Variants in ARNT observed in about 807,000 individuals in gnomAD.
ARNT encodes the protein aryl hydrocarbon receptor nuclear translocator, also known as class E basic helix-loop-helix protein 2.
In ARNT, 30 loss-of-function variants were observed where a neutral mutation model predicts 105.0. The ratio of observed to expected loss-of-function variants is 0.29; its 90% CI spans 0.21 to 0.39. The LOEUF is 0.39. Ranked by LOEUF, ARNT falls within the 10% of genes least tolerant of loss-of-function variation. ARNT has a pLI of 1.00. For missense variants in ARNT, 748 were observed against 978.7 expected, an observed-to-expected ratio of 0.76 and a Z score of 3.15; for synonymous variants, 304 against 344.0, an observed-to-expected ratio of 0.88 and a Z score of 1.29.
chr1:150,839,378 A>G, intron 6 of ARNT, 63 bp downstream of exon 6: 1 of 1,569,952 alleles, frequency 6.4e-7, no homozygotes, highest in Non-Finnish European at 8.7e-7. Flanking sequence ...TGTCCAAAAA[A>G]CGAAAACTTT....
Position 150,839,660 on chromosome 1 carries a change from T to C in ARNT, c.273-6A>G. 2.5e-6 allele frequency: 4 copies of C among 1,611,568 alleles called. No homozygotes were observed. Among genetic ancestry groups the C allele is most frequent in the Non-Finnish European group, 3.4e-6 (4 of 1,178,824 alleles). On this transcript the variant is annotated splice_polypyrimidine_tract_variant and splice_region_variant and intron_variant, in intron 5 of 21. Transcript: ENST00000358595. ...CAATTTCACTGTGATTTTCCCTGCA[T>C]GGAAAGAAAGAGAAGCCCCATCCAG...
intron 4 of ARNT, among the ~76,000 whole-genome samples, chr1:150,844,027 A>T (rs1207694365): frequency 6.6e-6 from 1 of 152,204 alleles, no homozygotes; most frequent in Non-Finnish European, 1.5e-5. Context: ...TGAAAACCAA[A>T]ATCATTCATG....
chr1:150,830,745 T>C (rs1391510048), intron 10 of ARNT, among the ~76,000 whole-genome samples: 1 of 152,196 alleles, frequency 6.6e-6, no homozygotes, highest in Non-Finnish European at 1.5e-5. Flanking sequence ...GAAAAACCAA[T>C]GTTTTACACA....
chr1:150,816,949 G>A (rs1405077864), intron 17 of ARNT, 59 bp from the exon 18 acceptor site: 2 of 1,600,150 alleles, frequency 1.2e-6, no homozygotes, highest in African/African-American at 1.4e-5. Context: ...TATTAGTTCA[G>A]CAAGTTCCTA....
chr1:150,826,899 G>A (rs1055201308), intron 12 of ARNT, among the ~76,000 whole-genome samples: 7 of 151,654 alleles, frequency 4.6e-5, no homozygotes, highest in Non-Finnish European at 8.8e-5. Context: ...CACCCGCCTC[G>A]GCCTCCCAAA....
At position 150,839,540 on chromosome 1, in the gene ARNT, T is replaced by G; in HGVS notation, c.387A>C (p.Leu129=). The change falls in exon 6 of 22, where the codon CTA becomes CTC. Residue 129 remains leucine, a synonymous_variant. Transcript: ENST00000358595. ...GAGAAACTGCCATGCGTAAGATGGT[T>G]AGCTTGTCTGGTTTTCGAGCCAGGG... The part of the protein sequence containing the change: ...CSALARKPDK[L]TILRMAVSHM... The G allele has an allele frequency of 6.2e-7, 1 of 1,614,198 alleles. No homozygotes were observed. Among genetic ancestry groups the G allele is most frequent in the Non-Finnish European group, 8.5e-7 (1 of 1,180,026 alleles).
chr1:150,850,535 C>T (rs899419291), intron 3 of ARNT, among the ~76,000 whole-genome samples: 35 of 152,376 alleles, frequency 2.3e-4, no homozygotes, highest in African/African-American at 7.0e-4. Context: ...CCGCCAGCCT[C>T]GGCCTCCCGA....
chr1:150,852,986 A>G, intron 2 of ARNT, 180 bp from the exon 3 acceptor site: 2 of 775,720 alleles, frequency 2.6e-6, no homozygotes, highest in Middle Eastern at 2.4e-4. Flanking sequence ...TAGGCAAAGA[A>G]GTACAAAACT....
intron 1 of ARNT, among the ~76,000 whole-genome samples, chr1:150,865,089 G>C (rs1023845583): frequency 6.6e-6 from 1 of 151,634 alleles, no homozygotes; most frequent in African/African-American, 2.4e-5. Context: ...GAAGTAGGAA[G>C]ACAAGATTAA....
At chr1:150,875,917 C>A (rs1488012278) in intron 1 of ARNT, among the ~76,000 whole-genome samples, 1 of 152,190 alleles carries the variant, frequency 6.6e-6, no homozygotes, top group East Asian at 1.9e-4. Flanking sequence ...CTGCCCTCAG[C>A]AGGCAAAGAC....
intron 1 of ARNT, among the ~76,000 whole-genome samples, chr1:150,863,096 G>A (rs2102365066): frequency 6.6e-6 from 1 of 151,518 alleles, no homozygotes; most frequent in African/African-American, 2.4e-5. Flanking sequence ...AGGCACGGTG[G>A]CTGATGCCTG....
At chr1:150,837,859 TA>T (rs935921257) in intron 6 of ARNT, among the ~76,000 whole-genome samples, 44 of 146,232 alleles carry the variant, frequency 3.0e-4, no homozygotes, top group African/African-American at 5.2e-4. Context: ...ATTTCCCTCT[TA>T]AAAAAAAAAA....
chr1:150,856,043 C>A (rs1664545238), intron 2 of ARNT, among the ~76,000 whole-genome samples: 1 of 152,144 alleles, frequency 6.6e-6, no homozygotes, highest in African/African-American at 2.4e-5. Context: ...CTATTAAAAA[C>A]AATTTACATA....
At chr1:150,825,201 A>G (rs1345258430) in intron 13 of ARNT, among the ~76,000 whole-genome samples, 1 of 152,224 alleles carries the variant, frequency 6.6e-6, no homozygotes, top group African/African-American at 2.4e-5. Context: ...GGAATAGAAA[A>G]TAATCTTTTA....
intron 1 of ARNT, chr1:150,861,112 G>T: frequency 6.0e-6 from 1 of 166,354 alleles, no homozygotes; most frequent in Non-Finnish European, 1.3e-5. Flanking sequence ...AATAAATAAA[G>T]GGTTGGCAAG....
chr1:150,852,603 C>T (rs750029409), intron 3 of ARNT, among the ~76,000 whole-genome samples, 159 bp downstream of exon 3: 16 of 152,078 alleles, frequency 1.1e-4, no homozygotes, highest in Admixed American at 6.6e-4. Flanking sequence ...GAGATATTAA[C>T]GGAATGCTTA....
At chr1:150,826,395 G>A (rs1008867912) in intron 13 of ARNT, 148 bp downstream of exon 13, 1 of 622,812 alleles carries the variant, frequency 1.6e-6, no homozygotes, top group Non-Finnish European at 2.8e-6. Flanking sequence ...CAAAGTATTA[G>A]TCCTTTTCTA....
intron 1 of ARNT, among the ~76,000 whole-genome samples, chr1:150,860,530 C>T (rs587605778): frequency 9.9e-5 from 15 of 151,490 alleles, no homozygotes; most frequent in Admixed American, 9.2e-4. Context: ...AAAAAATTTT[C>T]GAATCATATA....
intron 13 of ARNT, among the ~76,000 whole-genome samples, chr1:150,826,227 T>C (rs763546364): frequency 1.3e-5 from 2 of 152,138 alleles, no homozygotes; most frequent in Non-Finnish European, 2.9e-5. Flanking sequence ...GGAAAACATC[T>C]ATTTTCACAG....
Sources: gnomAD v4.1 joint callset for allele counts (sites outside exome capture counted in the v4.1 genomes callset) on GRCh38, gnomAD v4.1.1 for gene constraint, MANE v1.5 for transcripts, NCBI Gene and HGNC (gene_info 2026-07-23, HGNC 2026-07-21) for gene names.